CADPS2: variants seen among roughly 807,000 people sequenced by gnomAD.
The protein encoded by CADPS2 is calcium-dependent secretion activator 2.
CADPS2 carries 93 observed loss-of-function variants against 172.5 expected under a neutral mutation model. The ratio of observed to expected loss-of-function variants is 0.54; its 90% confidence interval spans 0.46 to 0.64. CADPS2 has a LOEUF of 0.64. Ranked by LOEUF, CADPS2 falls within the 30% of genes least tolerant of loss-of-function variation. The pLI, the probability that CADPS2 is intolerant of heterozygous loss-of-function variation, is 0.00. For synonymous variants in CADPS2, 546 were observed against 555.2 expected (o/e 0.98, Z 0.23); for missense variants, 1,420 against 1,565.9 (o/e 0.91, Z 1.57).
intron 8 of CADPS2, among the ~76,000 whole-genome samples, chr7:122,544,042 T>C (rs2063367639): frequency 6.6e-6 from 1 of 152,132 alleles, no homozygotes; most frequent in Admixed American, 6.6e-5. Context: ...AAGATAAACA[T>C]TCACATTCTT....
intron 11 of CADPS2, among the ~76,000 whole-genome samples, chr7:122,483,681 A>G (rs1299431519): frequency 3.9e-5 from 6 of 152,156 alleles, no homozygotes; most frequent in Admixed American, 2.6e-4. Context: ...CATATATAGA[A>G]GTAAAATATA....
At chr7:122,767,775 C>T (rs547548428) in intron 1 of CADPS2, among the ~76,000 whole-genome samples, 5 of 151,988 alleles carry the variant, frequency 3.3e-5, no homozygotes, top group African/African-American at 1.2e-4. Flanking sequence ...TGAAGAACTC[C>T]CAGATTTTCA....
intron 2 of CADPS2, among the ~76,000 whole-genome samples, chr7:122,700,774 TAGAAA>T (rs1297561415): frequency 1.3e-5 from 2 of 152,128 alleles, no homozygotes; most frequent in Non-Finnish European, 2.9e-5. Context: ...AGGACACTTC[TAGAAA>T]AGAAATCTGC....
chr7:122,711,992 A>G (rs2088822191), intron 2 of CADPS2, among the ~76,000 whole-genome samples: 2 of 152,062 alleles, frequency 1.3e-5, no homozygotes, highest in African/African-American at 4.8e-5. Context: ...TGCAGTTAAA[A>G]CAGTACATAC....
intron 3 of CADPS2, among the ~76,000 whole-genome samples, chr7:122,648,117 A>G (rs1475151319): frequency 6.6e-6 from 1 of 152,000 alleles, no homozygotes; most frequent in Non-Finnish European, 1.5e-5. Flanking sequence ...TGGCATAGAG[A>G]TTAGCTTTCT....
intron 17 of CADPS2, among the ~76,000 whole-genome samples, chr7:122,422,526 C>A (rs1350898346): frequency 6.6e-6 from 1 of 152,118 alleles, no homozygotes; most frequent in Non-Finnish European, 1.5e-5. Context: ...TATAAAGCAA[C>A]ATTACATTAC....
chr7:122,689,461 C>T (rs529620568), intron 2 of CADPS2, among the ~76,000 whole-genome samples: 3 of 152,330 alleles, frequency 2.0e-5, no homozygotes, highest in African/African-American at 7.2e-5. Context: ...CTGTAACTTG[C>T]ATTTCCTACA....
chr7:122,859,432 T>C (rs1298581558), intron 1 of CADPS2, among the ~76,000 whole-genome samples: 1 of 152,202 alleles, frequency 6.6e-6, no homozygotes, highest in African/African-American at 2.4e-5. Context: ...CAGTCAATTG[T>C]GTATTTCATC....
intron 1 of CADPS2, among the ~76,000 whole-genome samples, chr7:122,846,746 G>A (rs1449615271): frequency 6.6e-6 from 1 of 152,184 alleles, no homozygotes; most frequent in African/African-American, 2.4e-5. Flanking sequence ...AAGTACTAAA[G>A]CTGATTAAGT....
At position 122,318,833 on chromosome 7, in the gene CADPS2, A is replaced by C. The variant is rs1304180711; in HGVS notation, c.*1332T>G. 1 of 152,164 alleles carries C rather than the reference A, an allele frequency of 6.6e-6. No homozygotes were observed. The highest frequency in any genetic ancestry group is 1.5e-5 in the Non-Finnish European group (1 of 68,024). The allele number at this position is 152,164 out of a possible 1,614,324, so 9.4% of individuals were successfully genotyped here. A position where few individuals can be genotyped will look rare whatever the true frequency, so the allele number is the denominator to read the frequency against. ...ATGGGAGAACGAATCTGGAGGTCCA[A>C]GTTGTTTCATTTCTAAAGTTTCAGA... On this transcript the variant is annotated 3_prime_UTR_variant, in exon 30 of 30. Transcript: ENST00000449022.
chr7:122,598,278 T>TG (rs553357010), intron 6 of CADPS2, among the ~76,000 whole-genome samples: 3 of 151,808 alleles, frequency 2.0e-5, no homozygotes, highest in Non-Finnish European at 4.4e-5. Flanking sequence ...ACATAAGAGT[T>TG]GGGAAAAAAG....
At chr7:122,572,778 A>G (rs1247695425) in intron 7 of CADPS2, among the ~76,000 whole-genome samples, 1 of 152,098 alleles carries the variant, frequency 6.6e-6, no homozygotes, top group African/African-American at 2.4e-5. Flanking sequence ...GGGATGCTTG[A>G]CTGGTCAGCT....
At chr7:122,619,660 G>A (rs1257280817) in intron 5 of CADPS2, among the ~76,000 whole-genome samples, 10 of 151,764 alleles carry the variant, frequency 6.6e-5, no homozygotes, top group Admixed American at 6.6e-4. Context: ...AACTCTTGTT[G>A]GAAAAAGTTA....
intron 1 of CADPS2, among the ~76,000 whole-genome samples, chr7:122,740,640 T>A (rs1418057863): frequency 6.6e-6 from 1 of 152,004 alleles, no homozygotes; most frequent in Non-Finnish European, 1.5e-5. Context: ...CATAAAAAAA[T>A]AAACTCTATT....
At chr7:122,625,119 C>G (rs1223350982) in intron 4 of CADPS2, among the ~76,000 whole-genome samples, 2 of 151,804 alleles carry the variant, frequency 1.3e-5, no homozygotes, top group South Asian at 4.2e-4. Context: ...GGCACAATCT[C>G]GGCTCACCAC....
chr7:122,410,203 C>T (rs536104326), intron 19 of CADPS2, among the ~76,000 whole-genome samples: 148 of 151,766 alleles, frequency 9.8e-4, no homozygotes, highest in African/African-American at 3.4e-3. Context: ...AATTAGCTGG[C>T]GGTGGTGGTG....
chr7:122,767,251 G>A (rs1229980618), intron 1 of CADPS2, among the ~76,000 whole-genome samples: 1 of 152,088 alleles, frequency 6.6e-6, no homozygotes, highest in African/African-American at 2.4e-5. Flanking sequence ...AAACTAAAAA[G>A]CATTTTTTTC....
chr7:122,558,086 T>C (rs973291413), intron 7 of CADPS2, among the ~76,000 whole-genome samples: 6 of 152,226 alleles, frequency 3.9e-5, no homozygotes, highest in Non-Finnish European at 7.3e-5. Flanking sequence ...CCTGATATTA[T>C]TTTGAATTAT....
At chr7:122,462,134 C>G (rs114522017) in intron 14 of CADPS2, among the ~76,000 whole-genome samples, 1 of 151,814 alleles carries the variant, frequency 6.6e-6, no homozygotes, top group Non-Finnish European at 1.5e-5. Flanking sequence ...TAAGCAAATA[C>G]GAAGTACAAA....
Sources: allele counts gnomAD v4.1 joint callset (sites outside exome capture counted in the v4.1 genomes callset), GRCh38; gene constraint gnomAD v4.1.1; transcripts MANE v1.5; gene names NCBI Gene and HGNC (gene_info 2026-07-23, HGNC 2026-07-21).